FDPS: variants seen among roughly 807,000 people sequenced by gnomAD.
FDPS encodes farnesyl diphosphate synthase.
Under a neutral mutation model 49.5 loss-of-function variants are expected in FDPS, and 29 were observed. The ratio of observed to expected loss-of-function variants is 0.59; its 90% confidence interval spans 0.44 to 0.80. FDPS has a LOEUF of 0.80. Among genes scored for constraint, FDPS ranks in the 30% least tolerant of loss-of-function variants. The probability of loss-of-function intolerance (pLI) is 0.00; values close to 1 mark genes in which losing one functional copy is unlikely to be tolerated. For missense variants in FDPS, 414 were observed against 525.6 expected (o/e 0.79, Z 2.08); for synonymous variants, 172 against 206.4 (o/e 0.83, Z 1.43).
chr1:155,319,120 G>A (rs533997762), intron 8 of FDPS, among the ~76,000 whole-genome samples, 192 bp downstream of exon 8: 2 of 152,308 alleles, frequency 1.3e-5, no homozygotes, highest in South Asian at 4.1e-4. Context: ...GATTAAGCAA[G>A]GCAAGGGATA....
At chr1:155,309,650 A>T in intron 1 of FDPS, 139 bp from the exon 2 acceptor site, 1 of 724,152 alleles carries the variant, frequency 1.4e-6, no homozygotes, top group Non-Finnish European at 2.2e-6. Flanking sequence ...AATTGTCCCC[A>T]AGCACATTCC....
rs1026721255 is a variant in FDPS at position 155,318,527 on chromosome 1, GTTTTGGGGCTT to G, written c.685-136_685-126del. On this transcript the variant is annotated intron_variant, in intron 6 of 10. Transcript: ENST00000368356. The surrounding 1 kb of genome is among the most constrained non-coding windows in gnomAD (Gnocchi z 4.2). ...CTGTGTGTATGAATATGGGCCTTAA[GTTTTGGGGCTT>G]TCTCCCCTTCTGTTGCCTTTCTGAT... 1 of 837,366 alleles carries G rather than the reference GTTTTGGGGCTT, an allele frequency of 1.2e-6. No individual in the cohort carries two copies. Among genetic ancestry groups the G allele is most frequent in the Non-Finnish European group, 2.0e-6 (1 of 508,246 alleles). 51.9% of individuals were successfully genotyped at this position (837,366 alleles called of 1,614,324 possible).
rs777030014 is a variant in FDPS at position 155,310,210 on chromosome 1, G to A, written c.339+5G>A. ...GCTATTGCCCGGCTCAAGGAGGTGAGGGATTCATGACTTGGGGGAGTAAGG... is the reference window on the plus strand; with the variant it reads ...GCTATTGCCCGGCTCAAGGAGGTGAAGGATTCATGACTTGGGGGAGTAAGG... On this transcript the variant is annotated splice_donor_5th_base_variant and intron_variant, in intron 3 of 10. Transcript: ENST00000368356. 9 of 1,613,724 alleles carry A rather than the reference G, an allele frequency of 5.6e-6. No homozygotes were observed. In the South Asian group the frequency reaches 9.9e-5, roughly 18 times the overall value.
At chr1:155,314,181 A>T (rs981374492) in intron 4 of FDPS, among the ~76,000 whole-genome samples, 5 of 139,794 alleles carry the variant, frequency 3.6e-5, no homozygotes, top group East Asian at 2.8e-4. Context: ...GTTTTTAAAA[A>T]TTTTTAATTT....
At position 155,318,137 on chromosome 1, in the gene FDPS, T is replaced by C. The variant is rs1353451737; in HGVS notation, c.562-32T>C. On this transcript the variant is annotated intron_variant, in intron 5 of 10. Transcript: ENST00000368356. This position sits in a 1 kb window ranked among gnomAD's most constrained non-coding sequence, Gnocchi z 4.2. ...TCTTAGTATGAACCGAGACTAGAGATTGATTGCTTGTTTTTCTGTCTGTCA... is the reference window on the plus strand; with the variant it reads ...TCTTAGTATGAACCGAGACTAGAGACTGATTGCTTGTTTTTCTGTCTGTCA... 6.2e-6 allele frequency: 10 copies of C among 1,613,820 alleles called. No homozygotes were observed. The highest frequency in any genetic ancestry group is 1.7e-5 in the Admixed American group (1 of 60,000).
rs2148234751 is a variant in FDPS at position 155,312,322 on chromosome 1, A to G, written c.407A>G (p.Glu136Gly). 1.2e-6 allele frequency: 2 copies of G among 1,613,872 alleles called. No homozygotes were observed. Among genetic ancestry groups the G allele is most frequent in the Non-Finnish European group, 1.7e-6 (2 of 1,179,984 alleles). ...RGLTVVVAFR[E>G]LVEPRKQDAD... Reference sequence around the variant, plus strand: ...TTGACGGTGGTAGTAGCATTCCGGGAGCTGGTGGAGCCAAGGAAACAGGAT... The same window carrying G: ...TTGACGGTGGTAGTAGCATTCCGGGGGCTGGTGGAGCCAAGGAAACAGGAT... Residue 136 changes from glutamate (E) to glycine (G), a missense_variant, in exon 4 of 11, where the codon GAG becomes GGG. Physicochemically the swap from Glu to Gly is moderately conservative, Grantham distance 98 (BLOSUM62 -2). Transcript: ENST00000368356.
chr1:155,313,466 G>C (rs955585061), intron 4 of FDPS, among the ~76,000 whole-genome samples: 4 of 152,240 alleles, frequency 2.6e-5, no homozygotes, highest in Admixed American at 2.6e-4. Flanking sequence ...TGCCTGGCCT[G>C]AGAGGAGCAG....
At chr1:155,319,473 C>T (rs1649978912) in intron 8 of FDPS, 138 bp from the exon 9 acceptor site, 2 of 847,998 alleles carry the variant, frequency 2.4e-6, no homozygotes, top group Admixed American at 2.1e-5. Flanking sequence ...TCAGGACTGT[C>T]TAGGTCAGGG....
chr1:155,310,195 G>A lies in FDPS; in HGVS notation c.329G>A (p.Arg110Gln), dbSNP rs1297764125. The part of the protein sequence containing the change: ...GHPEIGDAIA[R>Q]LKEVLEYNAI... ...CCAGAGATAGGAGATGCTATTGCCC[G>A]GCTCAAGGAGGTGAGGGATTCATGA... is the stretch of plus-strand genomic sequence containing the variant. Residue 110 changes from arginine to glutamine, a missense_variant, in exon 3 of 11, where the codon CGG becomes CAG. By Grantham distance (43) the Arg-to-Gln change is conservative. Coordinates refer to ENST00000368356, the MANE Select transcript of FDPS (RefSeq NM_002004.4). 7 of 1,613,866 alleles carry A rather than the reference G, an allele frequency of 4.3e-6. No homozygotes were observed. The East Asian group carries it at 6.7e-5, about 15-fold the overall frequency.
At chr1:155,319,952 C>T (rs1178522873) in intron 10 of FDPS, 24 bp downstream of exon 10, 1 of 1,611,948 alleles carries the variant, frequency 6.2e-7, no homozygotes, top group East Asian at 2.2e-5. Flanking sequence ...GGTGGTGGGT[C>T]CCTGAGTTGG....
At chr1:155,317,709 G>A in intron 4 of FDPS, 1 of 440,846 alleles carries the variant, frequency 2.3e-6, no homozygotes, top group South Asian at 3.7e-5. Flanking sequence ...GCCAGGCATG[G>A]GGTATGTGCC....
At chr1:155,310,226 G>A in intron 3 of FDPS, 21 bp downstream of exon 3, 1 of 1,613,190 alleles carries the variant, frequency 6.2e-7, no homozygotes, top group Non-Finnish European at 8.5e-7. Flanking sequence ...CATGACTTGG[G>A]GGAGTAAGGC....
rs903225173 is a variant in FDPS, at chr1:155,318,406, A to G, written c.684+115A>G. The G allele has an allele frequency of 6.5e-5, 90 of 1,388,064 alleles. No homozygotes were observed. The highest frequency in any genetic ancestry group is 8.7e-5 in the Non-Finnish European group (87 of 1,000,970). 86.0% of individuals were successfully genotyped at this position (1,388,064 alleles called of 1,614,324 possible). ...CAGGATTGCAGCGTGCCTGGAAGGGAAAGAAAGCGAGGAAGGGTGTTGGGA... is the reference window on the plus strand; with the variant it reads ...CAGGATTGCAGCGTGCCTGGAAGGGGAAGAAAGCGAGGAAGGGTGTTGGGA... On this transcript the variant is annotated intron_variant, in intron 6 of 10. Transcript: ENST00000368356. The surrounding 1 kb of genome is among the most constrained non-coding windows in gnomAD (Gnocchi z 4.2).
At position 155,319,881 on chromosome 1, in the gene FDPS, G is replaced by C. The variant is rs1650084099; in HGVS notation, c.1012G>C (p.Val338Leu). 3.1e-6 allele frequency: 5 copies of C among 1,614,190 alleles called. No homozygotes were observed. Among genetic ancestry groups the C allele is most frequent in the Non-Finnish European group, 4.2e-6 (5 of 1,180,038 alleles). ...GGACAACAAATGCAGCTGGCTGGTG[G>C]TTCAGTGTCTGCAACGGGCCACTCC... ...IQDNKCSWLV[V>L]QCLQRATPEQ... The change falls in exon 10 of 11, where the codon GTT becomes CTT. Residue 338 changes from valine (V) to leucine (L), a missense_variant. Coordinates refer to ENST00000368356, the MANE Select transcript of FDPS (RefSeq NM_002004.4).
rs1649810514 is a variant in FDPS at position 155,318,774 on chromosome 1, G to A, written c.773+21G>A. The A allele has an allele frequency of 1.2e-6, 2 of 1,602,168 alleles. No individual in the cohort carries two copies. The highest frequency in any genetic ancestry group is 8.6e-7 in the Non-Finnish European group (1 of 1,169,262). On this transcript the variant is annotated intron_variant, in intron 7 of 10. Transcript: ENST00000368356. The surrounding 1 kb of genome is among the most constrained non-coding windows in gnomAD (Gnocchi z 4.2). ...AAGAGGTGAGGGGAGGTGAGGGACA[G>A]CGCGAACCATGTCTGGACAGCGAGG...
intron 9 of FDPS, 42 bp from the exon 10 acceptor site, chr1:155,319,752 C>A (rs762312349): frequency 6.2e-7 from 1 of 1,614,088 alleles, no homozygotes; most frequent in Non-Finnish European, 8.5e-7. Flanking sequence ...TGCCCAGGAA[C>A]CTCATCCTTC....
intron 4 of FDPS, among the ~76,000 whole-genome samples, chr1:155,313,958 A>G (rs1649058857): frequency 6.6e-6 from 1 of 151,894 alleles, no homozygotes; most frequent in African/African-American, 2.4e-5. Flanking sequence ...AGCTGGGATT[A>G]TAGGCACATG....
At chr1:155,312,543 C>T in intron 4 of FDPS, 148 bp downstream of exon 4, 2 of 793,748 alleles carry the variant, frequency 2.5e-6, no homozygotes, top group South Asian at 3.4e-5. Flanking sequence ...GAGTGAATCA[C>T]TCCAAGGGTT....
intron 4 of FDPS, among the ~76,000 whole-genome samples, chr1:155,314,763 A>G (rs1266497939): frequency 1.3e-5 from 2 of 149,556 alleles, no homozygotes; most frequent in Non-Finnish European, 3.0e-5. Context: ...GGTGTGAGCC[A>G]CTGTGCCTGG....
Sources: gnomAD v4.1 joint callset for allele counts (sites outside exome capture counted in the v4.1 genomes callset) on GRCh38, gnomAD v4.1.1 for gene constraint, Gnocchi (gnomAD v3.1) non-coding constraint, MANE v1.5 for transcripts, NCBI Gene and HGNC (gene_info 2026-07-23, HGNC 2026-07-21) for gene names.